Variants in LRRC3B observed in about 807,000 individuals in gnomAD.
LRRC3B encodes leucine-rich repeat-containing protein 3B.
Under a neutral mutation model 12.8 loss-of-function variants are expected in LRRC3B, and 2 were observed. That is an observed-to-expected ratio of 0.16 (90% CI 0.06 to 0.49). The LOEUF is 0.49. LRRC3B is among the 20% of genes least tolerant of loss of function. The probability of loss-of-function intolerance (pLI) is 0.96; values close to 1 mark genes in which losing one functional copy is unlikely to be tolerated. For synonymous variants in LRRC3B, 132 were observed against 122.0 expected, an observed-to-expected ratio of 1.08 and a Z score of -0.54; for missense variants, 189 against 319.4, an observed-to-expected ratio of 0.59 and a Z score of 3.11.
chr3:26,679,180 C>A (rs1366758981), intron 1 of LRRC3B, among the ~76,000 whole-genome samples: 2 of 152,142 alleles, frequency 1.3e-5, no homozygotes, highest in Non-Finnish European at 2.9e-5. Flanking sequence ...GATCTGTCAA[C>A]TGGGTGCTTC....
chr3:26,648,505 G>A (rs959541768), intron 1 of LRRC3B, among the ~76,000 whole-genome samples: 2 of 152,046 alleles, frequency 1.3e-5, no homozygotes, highest in Non-Finnish European at 2.9e-5. Context: ...CCTGAACCTG[G>A]TAGAAATCAT....
chr3:26,650,143 C>A (rs1425329388), intron 1 of LRRC3B, among the ~76,000 whole-genome samples: 1 of 152,212 alleles, frequency 6.6e-6, no homozygotes, highest in African/African-American at 2.4e-5. Context: ...AAGACCATGT[C>A]TCATAGCTTT....
At chr3:26,684,785 T>C (rs535232437) in intron 1 of LRRC3B, among the ~76,000 whole-genome samples, 1 of 152,278 alleles carries the variant, frequency 6.6e-6, no homozygotes, top group African/African-American at 2.4e-5. Flanking sequence ...GGGACAAACA[T>C]TGAAACCATA....
At chr3:26,693,200 G>A (rs1049146664) in intron 1 of LRRC3B, among the ~76,000 whole-genome samples, 43 of 149,566 alleles carry the variant, frequency 2.9e-4, no homozygotes, top group Non-Finnish European at 4.6e-4. Context: ...ATGGTGGCGC[G>A]TGCCTGTAGT....
chr3:26,627,598 C>T (rs1698656505), intron 1 of LRRC3B, among the ~76,000 whole-genome samples: 1 of 152,094 alleles, frequency 6.6e-6, no homozygotes, highest in African/African-American at 2.4e-5. Flanking sequence ...CACAGAGAGC[C>T]AACGTGCACT....
At chr3:26,668,119 C>T (rs906936756) in intron 1 of LRRC3B, among the ~76,000 whole-genome samples, 3 of 152,050 alleles carry the variant, frequency 2.0e-5, no homozygotes, top group Non-Finnish European at 4.4e-5. Flanking sequence ...AGTTTGCTCT[C>T]TTTGTAATCT....
chr3:26,664,296 A>T (rs1255942309), intron 1 of LRRC3B, among the ~76,000 whole-genome samples: 3 of 151,928 alleles, frequency 2.0e-5, no homozygotes, highest in Non-Finnish European at 4.4e-5. Flanking sequence ...TTTGGGTAAC[A>T]TTTTTTCCTA....
chr3:26,676,072 T>C (rs1435744757), intron 1 of LRRC3B, among the ~76,000 whole-genome samples: 4 of 152,024 alleles, frequency 2.6e-5, no homozygotes, highest in East Asian at 1.9e-4. Context: ...TTTGGGCCTG[T>C]TTTTTCTTTT....
chr3:26,690,876 A>T (rs1476825688), intron 1 of LRRC3B, among the ~76,000 whole-genome samples: 2 of 151,774 alleles, frequency 1.3e-5, no homozygotes, highest in African/African-American at 2.4e-5. Flanking sequence ...AGCCTATATG[A>T]TTATCTTACT....
Position 26,636,864 on chromosome 3 carries a change from C to T in LRRC3B, c.-161+13627C>T, listed in dbSNP as rs185042317. Reference sequence around the variant, plus strand: ...TGCCTCCCTCCCTCCCTCCCTCCCTCCCTTCCTTCCTTCCTTCCTTCCTTT... The same window carrying T: ...TGCCTCCCTCCCTCCCTCCCTCCCTTCCTTCCTTCCTTCCTTCCTTCCTTT... On this transcript the variant is annotated intron_variant, in intron 1 of 1. Coordinates refer to ENST00000396641, the Ensembl canonical transcript of LRRC3B. 1.8e-3 allele frequency among the ~76,000 whole-genome samples: 123 copies of T among 66,862 alleles called. 6 individuals are homozygous for T. Among genetic ancestry groups the T allele is most frequent in the African/African-American group, 4.9e-3 (67 of 13,688 alleles). The allele number at this position is 66,862 out of a possible 152,430, so 43.9% of individuals were successfully genotyped here. A position where few individuals can be genotyped will look rare whatever the true frequency, so the allele number is the denominator to read the frequency against.
chr3:26,660,124 T>G (rs967245459), intron 1 of LRRC3B, among the ~76,000 whole-genome samples: 11 of 152,086 alleles, frequency 7.2e-5, no homozygotes, highest in African/African-American at 2.7e-4. Context: ...CCATCCCTCC[T>G]CAGTCTAAGA....
chr3:26,691,882 T>C (rs1700200960), intron 1 of LRRC3B, among the ~76,000 whole-genome samples: 1 of 152,246 alleles, frequency 6.6e-6, no homozygotes, highest in Admixed American at 6.5e-5. Flanking sequence ...TTCATCAGAA[T>C]TGCCAAGACA....
rs538077408 is a variant in LRRC3B, at chr3:26,654,617, CAG to C, written c.-161+31384_-161+31385del. On this transcript the variant is annotated intron_variant, in intron 1 of 1. Coordinates refer to ENST00000396641, the Ensembl canonical transcript of LRRC3B. ...GCAGAGAGAACAGCATAAGCAAAAA[CAG>C]AGATGAGAAAGTGTGTAGTGGGACA... Among the ~76,000 whole-genome samples the C allele has an allele frequency of 3.5e-3, 540 of 152,220 alleles. 2 individuals are homozygous for C. Among genetic ancestry groups the C allele is most frequent in the Non-Finnish European group, 5.3e-3 (360 of 67,998 alleles).
chr3:26,703,787 A>G (rs1700516018), intron 1 of LRRC3B, among the ~76,000 whole-genome samples: 1 of 151,736 alleles, frequency 6.6e-6, no homozygotes. Context: ...TCTCATCATG[A>G]AACATGTACT....
chr3:26,695,672 T>C (rs1700298435), intron 1 of LRRC3B, among the ~76,000 whole-genome samples: 1 of 152,244 alleles, frequency 6.6e-6, no homozygotes, highest in Admixed American at 6.5e-5. Context: ...CCCCAATGTC[T>C]CTTCTTAGGA....
intron 1 of LRRC3B, among the ~76,000 whole-genome samples, chr3:26,641,910 T>G (rs78473904): frequency 0.034 from 5,204 of 152,226 alleles, 167 homozygotes; most frequent in East Asian, 0.13. Context: ...TGGGTTATAT[T>G]TATCCATATT....
rs889491208 is a variant in LRRC3B at position 26,709,997 on chromosome 3, A to G, written c.325A>G (p.Lys109Glu). The G allele has an allele frequency of 5.6e-6, 9 of 1,614,022 alleles. No individual in the cohort carries two copies. Among genetic ancestry groups the G allele is most frequent in the Non-Finnish European group, 7.6e-6 (9 of 1,180,030 alleles). Residue 109 changes from lysine (K) to glutamate (E), a missense_variant, in exon 2 of 2, where the codon AAA (lysine) becomes GAA (glutamate). Transcript: ENST00000396641. ...TGAGTTTATCGATGAGCATGCCTTC[A>G]AAGGAGTAGCTGAAACCTTGCAGAC...
At chr3:26,698,307 GA>G (rs1490856755) in intron 1 of LRRC3B, among the ~76,000 whole-genome samples, 1 of 152,186 alleles carries the variant, frequency 6.6e-6, no homozygotes, top group Non-Finnish European at 1.5e-5. Context: ...CTAGGATAGA[GA>G]AATTATGCAA....
At chr3:26,626,648 T>G (rs1477723056) in intron 1 of LRRC3B, among the ~76,000 whole-genome samples, 2 of 152,242 alleles carry the variant, frequency 1.3e-5, no homozygotes, top group African/African-American at 4.8e-5. Context: ...TTAAAAAGAC[T>G]GTTTTGCTTA....
Sources: gnomAD v4.1 joint callset for allele counts (sites outside exome capture counted in the v4.1 genomes callset) on GRCh38, gnomAD v4.1.1 for gene constraint, MANE v1.5 for transcripts, NCBI Gene and HGNC (gene_info 2026-07-23, HGNC 2026-07-21) for gene names.